Variants in SPECC1 observed in about 807,000 individuals in gnomAD.
SPECC1 encodes cytospin-B.
SPECC1 carries 62 observed loss-of-function variants against 104.1 expected under a neutral mutation model. The ratio of observed to expected loss-of-function variants is 0.60; its 90% CI spans 0.49 to 0.74. The LOEUF is 0.74. Ranked by LOEUF, SPECC1 falls within the 30% of genes least tolerant of loss-of-function variation. SPECC1 has a pLI of 0.00. For synonymous variants in SPECC1, 513 were observed against 501.6 expected, an observed-to-expected ratio of 1.02 and a Z score of -0.30; for missense variants, 1,306 against 1,310.5, an observed-to-expected ratio of 1.00 and a Z score of 0.05.
At chr17:20,301,390 A>G (rs1372045697) in intron 13 of SPECC1, among the ~76,000 whole-genome samples, 1 of 151,142 alleles carries the variant, frequency 6.6e-6, no homozygotes, top group Non-Finnish European at 1.5e-5. Flanking sequence ...GTGTTCCCCT[A>G]TGTGCTCAGT....
At chr17:20,238,343 C>G (rs1241305502) in intron 7 of SPECC1, 1 of 1,039,702 alleles carries the variant, frequency 9.6e-7, no homozygotes, top group Non-Finnish European at 1.2e-6. Context: ...TTTTAAACTT[C>G]TGGAAATATG....
rs529160819 is a variant in SPECC1, at chr17:20,222,890, A to G, written c.1864-4523A>G. ...TTTCCTTCAGTACTTTAAATATGGC[A>G]TGCCTCTCTCTCCCTGGCCTGTAAG... On this transcript the variant is annotated intron_variant, in intron 4 of 14. Coordinates refer to ENST00000395527, the MANE Select transcript of SPECC1 (RefSeq NM_001243439.2). Among the ~76,000 whole-genome samples, 6 of 152,230 alleles carry G rather than the reference A, an allele frequency of 3.9e-5. No homozygotes were observed. The South Asian group carries it at 6.2e-4, about 16-fold the overall frequency.
chr17:20,260,144 C>A, intron 11 of SPECC1, 48 bp from the exon 12 acceptor site: 2 of 1,439,680 alleles, frequency 1.4e-6, no homozygotes, highest in South Asian at 1.3e-5. Flanking sequence ...TTTGAGAATT[C>A]TAAGTATTAG....
chr17:20,043,251 A>C (rs1018027917), intron 1 of SPECC1, among the ~76,000 whole-genome samples: 3 of 152,156 alleles, frequency 2.0e-5, no homozygotes, highest in Non-Finnish European at 4.4e-5. Context: ...GCTGGGGGTC[A>C]CAGGAAGCTT....
intron 3 of SPECC1, 85 bp from the exon 4 acceptor site, chr17:20,204,248 G>A (rs1044773092): frequency 6.8e-7 from 1 of 1,478,210 alleles, no homozygotes; most frequent in South Asian, 1.3e-5. Flanking sequence ...ACTGTCCACT[G>A]TGCCATGTGA....
At chr17:20,123,176 C>T (rs2049120613) in intron 3 of SPECC1, among the ~76,000 whole-genome samples, 1 of 152,186 alleles carries the variant, frequency 6.6e-6, no homozygotes, top group South Asian at 2.1e-4. Context: ...CATGTAGCCA[C>T]ATTTAAAACA....
At chr17:20,292,344 G>T (rs7224557) in intron 12 of SPECC1, among the ~76,000 whole-genome samples, 33,203 of 145,116 alleles carry the variant, frequency 0.23, 4,137 homozygotes, top group African/African-American at 0.37. Context: ...CTTTTTTTTT[G>T]GGGGGGGGAC....
intron 1 of SPECC1, among the ~76,000 whole-genome samples, chr17:20,029,496 A>C (rs950838581): frequency 6.6e-6 from 1 of 152,134 alleles, no homozygotes; most frequent in Non-Finnish European, 1.5e-5. Context: ...TGAAGAACTG[A>C]TGTTAATTTA....
At chr17:20,018,431 C>T (rs2044235367) in intron 1 of SPECC1, among the ~76,000 whole-genome samples, 1 of 152,212 alleles carries the variant, frequency 6.6e-6, no homozygotes, top group Non-Finnish European at 1.5e-5. Context: ...TGCTCTGTCT[C>T]CCAGGTTAGA....
chr17:20,230,020 A>C (rs529632327), intron 5 of SPECC1, among the ~76,000 whole-genome samples: 425 of 152,342 alleles, frequency 2.8e-3, no homozygotes, highest in Non-Finnish European at 4.9e-3. Flanking sequence ...AGGAGGCTGA[A>C]GAAGAATTTA....
chr17:20,137,940 C>T (rs1320972294), intron 3 of SPECC1, among the ~76,000 whole-genome samples: 2 of 151,944 alleles, frequency 1.3e-5, no homozygotes, highest in Non-Finnish European at 2.9e-5. Context: ...ACTAGGATTA[C>T]AGGCGTGAGC....
At chr17:20,183,812 T>G (rs1020504664) in intron 3 of SPECC1, among the ~76,000 whole-genome samples, 1 of 152,152 alleles carries the variant, frequency 6.6e-6, no homozygotes, top group African/African-American at 2.4e-5. Flanking sequence ...GTTGGTAGAA[T>G]TCTGGGTGGG....
chr17:20,156,280 C>T (rs1002375646), intron 3 of SPECC1: 3 of 1,328,256 alleles, frequency 2.3e-6, no homozygotes, highest in South Asian at 2.0e-5. Context: ...GCAACCCCAC[C>T]CCCCCTCCAG....
At chr17:20,133,236 A>G (rs1663352494) in intron 3 of SPECC1, among the ~76,000 whole-genome samples, 1 of 148,726 alleles carries the variant, frequency 6.7e-6, no homozygotes, top group Non-Finnish European at 1.5e-5. Context: ...TTTTTTTCCC[A>G]TTTCACCGAG....
chr17:20,095,272 A>G (rs1316441848), intron 1 of SPECC1, among the ~76,000 whole-genome samples: 1 of 152,246 alleles, frequency 6.6e-6, no homozygotes, highest in Non-Finnish European at 1.5e-5. Context: ...AAAAATCATC[A>G]TACTTGGAAC....
At chr17:20,194,222 T>A (rs2035856348) in intron 3 of SPECC1, among the ~76,000 whole-genome samples, 1 of 152,198 alleles carries the variant, frequency 6.6e-6, no homozygotes, top group Non-Finnish European at 1.5e-5. Flanking sequence ...CATGGGTTTG[T>A]ACCCTCAAAT....
chr17:20,275,038 G>A (rs981184651), intron 12 of SPECC1, among the ~76,000 whole-genome samples: 1 of 151,768 alleles, frequency 6.6e-6, no homozygotes, highest in East Asian at 1.9e-4. Context: ...GAGCTTACCG[G>A]GGGATGTTTT....
intron 7 of SPECC1, chr17:20,238,924 G>A (rs943310141): frequency 4.3e-5 from 45 of 1,040,554 alleles, no homozygotes; most frequent in Non-Finnish European, 4.7e-5. Context: ...CACCAGCTAC[G>A]TTTCTGCAGG....
At chr17:20,272,597 C>A (rs992686365) in intron 12 of SPECC1, among the ~76,000 whole-genome samples, 3 of 152,194 alleles carry the variant, frequency 2.0e-5, no homozygotes, top group Admixed American at 6.5e-5. Flanking sequence ...ATGAATTTAA[C>A]CACTTTAGGT....
Sources: allele counts gnomAD v4.1 joint callset (sites outside exome capture counted in the v4.1 genomes callset), GRCh38; gene constraint gnomAD v4.1.1; transcripts MANE v1.5; gene names NCBI Gene and HGNC (gene_info 2026-07-23, HGNC 2026-07-21).